Variants in UFSP2 observed in about 807,000 individuals in gnomAD.
UFSP2 encodes ufm1-specific protease 2.
UFSP2 carries 43 observed loss-of-function variants against 60.2 expected under a neutral mutation model. That is an observed-to-expected ratio of 0.71 (90% confidence interval 0.56 to 0.92). The LOEUF (loss-of-function observed/expected upper bound fraction) is 0.92, where lower values mean the gene tolerates loss of function less well. Ranked by LOEUF, UFSP2 falls within the 40% of genes least tolerant of loss-of-function variation. The pLI is 0.00. For synonymous variants in UFSP2, 183 were observed against 195.1 expected (o/e 0.94, Z 0.52); for missense variants, 520 against 575.0 (o/e 0.90, Z 0.98).
chr4:185,423,575 G>A (rs2095553327), intron 1 of UFSP2, among the ~76,000 whole-genome samples: 1 of 151,866 alleles, frequency 6.6e-6, no homozygotes, highest in Non-Finnish European at 1.5e-5. Context: ...AAAAAAATAG[G>A]AATATCATAT....
intron 7 of UFSP2, among the ~76,000 whole-genome samples, chr4:185,410,728 C>T (rs2095527751): frequency 6.6e-6 from 1 of 150,692 alleles, no homozygotes; most frequent in Admixed American, 6.6e-5. Context: ...AGGCAGATCA[C>T]GAGGTCAGGA....
At position 185,402,537 on chromosome 4, in the gene UFSP2, G is replaced by A. The variant is rs370657901; in HGVS notation, c.1323+957C>T. Among the ~76,000 whole-genome samples the A allele has an allele frequency of 7.4e-4, 113 of 152,162 alleles. 1 individual carries two copies. The highest frequency in any genetic ancestry group is 2.7e-3 in the African/African-American group (110 of 41,500). On this transcript the variant is annotated intron_variant, in intron 11 of 11. Coordinates refer to ENST00000264689, the MANE Select transcript of UFSP2 (RefSeq NM_018359.5). The stretch of plus-strand genomic sequence containing the variant: ...GTTGCCCAGGCTGGGGTGCAATGGC[G>A]CCATCTCAGCTCACTGCAACCTCTG...
intron 11 of UFSP2, among the ~76,000 whole-genome samples, chr4:185,401,867 G>A (rs2095513633): frequency 6.6e-6 from 1 of 152,202 alleles, no homozygotes; most frequent in African/African-American, 2.4e-5. Context: ...AGCCCCTTGA[G>A]TCAACCAGAA....
At position 185,399,584 on chromosome 4, in the gene UFSP2, A is replaced by AT; in HGVS notation, c.*807_*808insA. The AT allele has an allele frequency of 6.2e-7, 1 of 1,614,212 alleles. No homozygotes were observed. The highest frequency in any genetic ancestry group is 1.1e-5 in the South Asian group (1 of 91,088). On this transcript the variant is annotated 3_prime_UTR_variant, in exon 12 of 12. Coordinates refer to ENST00000264689, the MANE Select transcript of UFSP2 (RefSeq NM_018359.5). The stretch of plus-strand genomic sequence containing the variant: ...CCTGTTTTCAGTTTATGTAATAAGA[A>AT]CGGGCAAACAGCTGAAGATCTCGCT...
At chr4:185,407,125 A>G (rs139326344) in intron 9 of UFSP2, among the ~76,000 whole-genome samples, 11,464 of 136,464 alleles carry the variant, frequency 0.084, 748 homozygotes, top group African/African-American at 0.19. Flanking sequence ...ATCTTGGCTC[A>G]CTGCAACCTC....
rs114243568 is a variant in UFSP2 at position 185,409,018 on chromosome 4, T to C, written c.832-583A>G. On this transcript the variant is annotated intron_variant, in intron 7 of 11. Transcript: ENST00000264689. ...AAATATCTGCCTACTTACACTAATA[T>C]GTGAGCTCAGTGAGTACATACACTG... Among the ~76,000 whole-genome samples, 247 of 152,326 alleles carry C rather than the reference T, an allele frequency of 1.6e-3. 1 individual carries two copies. Among genetic ancestry groups the C allele is most frequent in the African/African-American group, 5.6e-3 (231 of 41,568 alleles).
At chr4:185,410,610 T>C (rs539205731) in intron 7 of UFSP2, among the ~76,000 whole-genome samples, 2 of 151,994 alleles carry the variant, frequency 1.3e-5, no homozygotes, top group East Asian at 3.9e-4. Flanking sequence ...ATCATGCCAC[T>C]GCACTCTAGC....
chr4:185,417,441 T>C (rs1013343448), intron 4 of UFSP2, among the ~76,000 whole-genome samples: 1 of 152,222 alleles, frequency 6.6e-6, no homozygotes, highest in Non-Finnish European at 1.5e-5. Context: ...CTTCCATCTT[T>C]ACCCACACAA....
intron 10 of UFSP2, among the ~76,000 whole-genome samples, chr4:185,404,807 A>G (rs953537365): frequency 6.6e-6 from 1 of 151,578 alleles, no homozygotes; most frequent in African/African-American, 2.4e-5. Flanking sequence ...GCTGGTCTCG[A>G]ACTCTTGGCC....
At chr4:185,417,512 T>C (rs532226254) in intron 4 of UFSP2, among the ~76,000 whole-genome samples, 5 of 152,294 alleles carry the variant, frequency 3.3e-5, no homozygotes, top group African/African-American at 1.2e-4. Flanking sequence ...ATATCTCTTG[T>C]ATGCAATCCC....
In UFSP2 at chr4:185,406,622, C is replaced by T. The variant is rs528113913; in HGVS notation, c.1122-766G>A. On this transcript the variant is annotated intron_variant, in intron 9 of 11. Transcript: ENST00000264689. ...ATGGAGGCTCGCTCTGTTGCCCAGGCTGGAGTGGAGTGGCGCGATCTCAGC... is the reference window on the plus strand; with the variant it reads ...ATGGAGGCTCGCTCTGTTGCCCAGGTTGGAGTGGAGTGGCGCGATCTCAGC... Among the ~76,000 whole-genome samples, 3 of 152,316 alleles carry T rather than the reference C, an allele frequency of 2.0e-5. No individual in the cohort carries two copies. The East Asian group carries it at 5.8e-4, about 29-fold the overall frequency.
chr4:185,405,752 A>G, intron 10 of UFSP2, 28 bp downstream of exon 10: 1 of 1,608,688 alleles, frequency 6.2e-7, no homozygotes, highest in Non-Finnish European at 8.5e-7. Flanking sequence ...TACTCACTCT[A>G]CCAAAAACAG....
rs1350851527 is a variant in UFSP2 at position 185,425,952 on chromosome 4, C to T, written c.-84G>A. ...CCCTGAAGTGGTGTCACCGCACGGC[C>T]CAGGGGCGGGGCCCGGGCGGACCAA... is the stretch of plus-strand genomic sequence containing the variant. On this transcript the variant is annotated 5_prime_UTR_variant, in exon 1 of 12. Transcript: ENST00000264689. 1 of 1,516,318 alleles carries T rather than the reference C, an allele frequency of 6.6e-7. No individual in the cohort carries two copies. Among genetic ancestry groups the T allele is most frequent in the Non-Finnish European group, 9.0e-7 (1 of 1,115,842 alleles). 93.9% of individuals were successfully genotyped at this position (1,516,318 alleles called of 1,614,324 possible).
At chr4:185,425,733 G>A in intron 1 of UFSP2, 133 bp downstream of exon 1, 3 of 1,362,450 alleles carry the variant, frequency 2.2e-6, no homozygotes, top group Non-Finnish European at 1.0e-6. Context: ...GAGCCGCCCT[G>A]CCCACGCAGC....
rs1379834328 is a variant in UFSP2, at chr4:185,425,933, A to G, written c.-65T>C. On this transcript the variant is annotated 5_prime_UTR_variant, in exon 1 of 12. Transcript: ENST00000264689. ...CAAAAGTTCCGGGGGCCGGCCCTGA[A>G]GTGGTGTCACCGCACGGCCCAGGGG... 1 of 1,560,214 alleles carries G rather than the reference A, an allele frequency of 6.4e-7. No homozygotes were observed. The highest frequency in any genetic ancestry group is 8.7e-7 in the Non-Finnish European group (1 of 1,151,396).
chr4:185,423,938 C>T (rs2095554125), intron 1 of UFSP2, among the ~76,000 whole-genome samples: 1 of 152,022 alleles, frequency 6.6e-6, no homozygotes. Context: ...GGCTGAAGAA[C>T]CATAGTACAC....
chr4:185,425,743 C>T, intron 1 of UFSP2, 123 bp downstream of exon 1: 2 of 1,440,110 alleles, frequency 1.4e-6, no homozygotes, highest in Non-Finnish European at 9.5e-7. Flanking sequence ...GCCCACGCAG[C>T]TCGCAGCTGC....
At chr4:185,422,458 T>C (rs1473880704) in intron 2 of UFSP2, 27 bp downstream of exon 2, 9 of 1,559,858 alleles carry the variant, frequency 5.8e-6, no homozygotes, top group Non-Finnish European at 2.6e-6. Flanking sequence ...AATTTTCTAA[T>C]AAAAAAGAAT....
intron 2 of UFSP2, among the ~76,000 whole-genome samples, chr4:185,420,415 A>T (rs976766604): frequency 1.3e-5 from 2 of 152,186 alleles, no homozygotes; most frequent in Non-Finnish European, 2.9e-5. Flanking sequence ...TTCAATACTC[A>T]TCTTAGCCTT....
Sources: allele counts gnomAD v4.1 joint callset (sites outside exome capture counted in the v4.1 genomes callset), GRCh38; gene constraint gnomAD v4.1.1; transcripts MANE v1.5; gene names NCBI Gene and HGNC (gene_info 2026-07-23, HGNC 2026-07-21).